Variants in CIRSR observed in about 807,000 individuals in gnomAD.
The protein encoded by CIRSR is CBF1 (RBPJ) interacting corepressor 1.
the CIRSR span, chr2:174,378,639 T>A: frequency 2.6e-6 from 1 of 384,884 alleles, no homozygotes. Flanking sequence ...ATTTTTAGGC[T>A]ACTAGCCTGA....
the CIRSR span, chr2:174,351,659 T>G: frequency 6.2e-7 from 1 of 1,614,004 alleles, no homozygotes; most frequent in Non-Finnish European, 8.5e-7. Context: ...CCCCAGTACA[T>G]TTCGTTTCAG....
chr2:174,375,279 A>G, the CIRSR span, among the ~76,000 whole-genome samples: 245 of 152,264 alleles, frequency 1.6e-3, no homozygotes, highest in African/African-American at 5.5e-3. Context: ...TAACCTCTCC[A>G]GAAAGGTTGC....
chr2:174,368,992 T>A, the CIRSR span, among the ~76,000 whole-genome samples: 1 of 152,318 alleles, frequency 6.6e-6, no homozygotes, highest in East Asian at 1.9e-4. Context: ...ACCAGCTGCA[T>A]TAGCCTCTAA....
chr2:174,380,985 G>A, the CIRSR span, among the ~76,000 whole-genome samples: 2 of 151,842 alleles, frequency 1.3e-5, no homozygotes, highest in African/African-American at 4.8e-5. Flanking sequence ...GACTATTGCA[G>A]GACAAAATAC....
the CIRSR span, among the ~76,000 whole-genome samples, chr2:174,372,726 G>GCGC: frequency 7.4e-4 from 113 of 152,068 alleles, 1 homozygote; most frequent in Non-Finnish European, 3.2e-4. Context: ...GGGATTACAG[G>GCGC]CGCCACCACC....
At chr2:174,381,521 C>T in the CIRSR span, among the ~76,000 whole-genome samples, 23 of 151,902 alleles carry the variant, frequency 1.5e-4, no homozygotes, top group Non-Finnish European at 7.4e-5. Flanking sequence ...GGCGTGGTGG[C>T]GTGCTCCTGT....
the CIRSR span, among the ~76,000 whole-genome samples, chr2:174,359,942 G>C: frequency 6.6e-6 from 1 of 152,130 alleles, no homozygotes; most frequent in Non-Finnish European, 1.5e-5. Context: ...CCATCATTCT[G>C]GGCAAACTAT....
the CIRSR span, among the ~76,000 whole-genome samples, chr2:174,364,463 C>G: frequency 6.6e-6 from 1 of 152,226 alleles, no homozygotes; most frequent in Non-Finnish European, 1.5e-5. Context: ...CTCTACTAAG[C>G]AGTGCCCCAG....
the CIRSR span, among the ~76,000 whole-genome samples, chr2:174,389,970 T>G: frequency 6.6e-6 from 1 of 152,200 alleles, no homozygotes; most frequent in Non-Finnish European, 1.5e-5. Context: ...TTCAGGCAGA[T>G]GTTTGCTGCA....
the CIRSR span, among the ~76,000 whole-genome samples, chr2:174,362,554 G>A: frequency 1.3e-5 from 2 of 150,562 alleles, no homozygotes; most frequent in East Asian, 2.0e-4. Flanking sequence ...GTGGTGATGG[G>A]CGCCTGTAGT....
At chr2:174,354,324 T>C in the CIRSR span, among the ~76,000 whole-genome samples, 2 of 139,868 alleles carry the variant, frequency 1.4e-5, no homozygotes, top group African/African-American at 5.4e-5. Context: ...CCTATTCAAC[T>C]TTCTTATATA....
chr2:174,378,918 C>T, the CIRSR span: 2 of 1,586,504 alleles, frequency 1.3e-6, no homozygotes, highest in Non-Finnish European at 8.6e-7. Context: ...ATGTCTAGTG[C>T]CTACCTGAGC....
At chr2:174,391,757 A>T in the CIRSR span, among the ~76,000 whole-genome samples, 1 of 152,210 alleles carries the variant, frequency 6.6e-6, no homozygotes, top group African/African-American at 2.4e-5. Flanking sequence ...AATAACTTAC[A>T]TTCATACAAT....
chr2:174,351,468 A>G, the CIRSR span: 1 of 517,580 alleles, frequency 1.9e-6, no homozygotes, highest in Non-Finnish European at 3.3e-6. Flanking sequence ...TAAAATAATA[A>G]AGCAAAATCA....
the CIRSR span, chr2:174,348,663 C>T: frequency 1.9e-6 from 3 of 1,614,208 alleles, no homozygotes; most frequent in Non-Finnish European, 2.5e-6. Context: ...CTTGTAACTA[C>T]CAGGACTTCT....
At chr2:174,389,885 C>A in the CIRSR span, among the ~76,000 whole-genome samples, 1 of 152,198 alleles carries the variant, frequency 6.6e-6, no homozygotes, top group African/African-American at 2.4e-5. Context: ...TGGGCCTACA[C>A]GTGCGCAGAA....
At chr2:174,377,037 T>C in the CIRSR span, among the ~76,000 whole-genome samples, 11 of 152,158 alleles carry the variant, frequency 7.2e-5, no homozygotes, top group African/African-American at 2.6e-4. Flanking sequence ...AAGCACTGAG[T>C]CTGGAGTCTA....
chr2:174,378,262 A>AT, the CIRSR span, among the ~76,000 whole-genome samples: 1 of 152,230 alleles, frequency 6.6e-6, no homozygotes, highest in Non-Finnish European at 1.5e-5. Context: ...CATAAAAGTG[A>AT]AAGGACTTGC....
At chr2:174,383,451 G>A in the CIRSR span, among the ~76,000 whole-genome samples, 2 of 152,012 alleles carry the variant, frequency 1.3e-5, no homozygotes, top group Non-Finnish European at 2.9e-5. Flanking sequence ...TGGGCACGGG[G>A]GCTCACATCT....
Sources: gnomAD v4.1 joint callset for allele counts (sites outside exome capture counted in the v4.1 genomes callset) on GRCh38, gnomAD v4.1.1 for gene constraint, MANE v1.5 for transcripts, NCBI Gene and HGNC (gene_info 2026-07-23, HGNC 2026-07-21) for gene names.